The following DOK6 variants were observed in gnomAD, a reference collection of about 807,000 sequenced individuals.
DOK6 encodes the protein downstream of tyrosine kinase 6.
A neutral mutation model predicts 44.0 loss-of-function variants in DOK6; 22 were observed. That is an observed-to-expected ratio of 0.50 (90% confidence interval 0.36 to 0.71). The LOEUF is 0.71. Among genes scored for constraint, DOK6 ranks in the 30% least tolerant of loss-of-function variants. The pLI is 0.00. For synonymous variants in DOK6, 166 were observed against 145.5 expected, an observed-to-expected ratio of 1.14 and a Z score of -1.01; for missense variants, 340 against 416.4, an observed-to-expected ratio of 0.82 and a Z score of 1.60.
intron 3 of DOK6, among the ~76,000 whole-genome samples, chr18:69,602,046 A>C (rs888867266): frequency 1.8e-4 from 27 of 152,228 alleles, no homozygotes; most frequent in African/African-American, 6.3e-4. Flanking sequence ...AAAATATCCC[A>C]TGCAGAAAAT....
intron 6 of DOK6, among the ~76,000 whole-genome samples, chr18:69,741,367 C>A (rs10782035): frequency 0.52 from 79,044 of 152,104 alleles, 23,700 homozygotes; most frequent in East Asian, 0.69. Flanking sequence ...CTGAACTAAT[C>A]CTTTCCAAGT....
chr18:69,655,472 G>T (rs1307666906), intron 3 of DOK6, among the ~76,000 whole-genome samples: 3 of 152,066 alleles, frequency 2.0e-5, no homozygotes, highest in Non-Finnish European at 4.4e-5. Flanking sequence ...CAGCACAAAG[G>T]TTGGGCGCGG....
chr18:69,644,874 C>T (rs960121981), intron 3 of DOK6, among the ~76,000 whole-genome samples: 2 of 152,166 alleles, frequency 1.3e-5, no homozygotes, highest in African/African-American at 4.8e-5. Context: ...AATCTCAGAT[C>T]CTTCCCAATT....
chr18:69,508,430 T>C (rs1294591504), intron 1 of DOK6, among the ~76,000 whole-genome samples: 1 of 152,252 alleles, frequency 6.6e-6, no homozygotes, highest in Non-Finnish European at 1.5e-5. Context: ...ATAGAATTTA[T>C]ATCATTCCTT....
chr18:69,482,844 A>G (rs188363188), intron 1 of DOK6, among the ~76,000 whole-genome samples: 2 of 152,010 alleles, frequency 1.3e-5, no homozygotes, highest in East Asian at 1.9e-4. Flanking sequence ...CTCTGCAGTA[A>G]TTTACTAAAT....
intron 1 of DOK6, among the ~76,000 whole-genome samples, chr18:69,458,164 A>C (rs562962000): frequency 6.6e-6 from 1 of 152,302 alleles, no homozygotes; most frequent in Admixed American, 6.5e-5. Context: ...GTGTTACAAA[A>C]ACAAAAACAA....
At chr18:69,424,825 A>G (rs1377224485) in intron 1 of DOK6, among the ~76,000 whole-genome samples, 1 of 152,100 alleles carries the variant, frequency 6.6e-6, no homozygotes, top group Non-Finnish European at 1.5e-5. Context: ...TTCTCCATTT[A>G]TTAAAATTCT....
intron 1 of DOK6, among the ~76,000 whole-genome samples, chr18:69,552,360 G>A (rs1982586351): frequency 2.0e-5 from 3 of 151,732 alleles, no homozygotes; most frequent in South Asian, 4.2e-4. Context: ...AATATAGCAA[G>A]CATTATACTA....
At chr18:69,779,362 C>T (rs547352679) in intron 7 of DOK6, among the ~76,000 whole-genome samples, 235 of 152,104 alleles carry the variant, frequency 1.5e-3, no homozygotes, top group Middle Eastern at 3.4e-3. Context: ...TCCCTGCACG[C>T]TCACTAGATA....
At chr18:69,713,911 A>G (rs1256886890) in intron 5 of DOK6, among the ~76,000 whole-genome samples, 1 of 152,214 alleles carries the variant, frequency 6.6e-6, no homozygotes, top group African/African-American at 2.4e-5. Context: ...TAAGCTCATC[A>G]GTACTCCCAG....
At chr18:69,581,926 A>G (rs934296366) in intron 2 of DOK6, among the ~76,000 whole-genome samples, 1 of 152,212 alleles carries the variant, frequency 6.6e-6, no homozygotes, top group Non-Finnish European at 1.5e-5. Context: ...CCTGTGAGAA[A>G]TGCTAAGAAA....
intron 7 of DOK6, among the ~76,000 whole-genome samples, chr18:69,760,365 T>A (rs1020474679): frequency 6.6e-6 from 1 of 152,192 alleles, no homozygotes; most frequent in Admixed American, 6.6e-5. Context: ...GTGCGGTGGC[T>A]CATCCCTGTA....
intron 3 of DOK6, among the ~76,000 whole-genome samples, chr18:69,607,920 A>G (rs1402965899): frequency 1.3e-5 from 2 of 152,224 alleles, no homozygotes; most frequent in Non-Finnish European, 2.9e-5. Flanking sequence ...AAAAACTATA[A>G]TGTGAAAAAA....
At chr18:69,527,016 C>T (rs1981849210) in intron 1 of DOK6, among the ~76,000 whole-genome samples, 1 of 152,172 alleles carries the variant, frequency 6.6e-6, no homozygotes, top group Non-Finnish European at 1.5e-5. Flanking sequence ...GGGAAATCCA[C>T]CTCCCACCAT....
chr18:69,594,929 A>G (rs971742409), intron 2 of DOK6, among the ~76,000 whole-genome samples: 2 of 152,220 alleles, frequency 1.3e-5, no homozygotes, highest in Admixed American at 6.5e-5. Context: ...TACAAAATCA[A>G]CATACAAAAA....
chr18:69,556,710 G>A (rs1982695828), intron 1 of DOK6, among the ~76,000 whole-genome samples: 1 of 152,166 alleles, frequency 6.6e-6, no homozygotes, highest in African/African-American at 2.4e-5. Context: ...AGGAATTGTA[G>A]CATTATATTT....
chr18:69,672,076 G>T (rs973799487), intron 3 of DOK6, among the ~76,000 whole-genome samples: 15 of 152,142 alleles, frequency 9.9e-5, no homozygotes, highest in Admixed American at 8.5e-4. Flanking sequence ...ATCTAAACAT[G>T]GGTCTGAAGA....
At chr18:69,621,285 T>C (rs1234228037) in intron 3 of DOK6, among the ~76,000 whole-genome samples, 1 of 152,186 alleles carries the variant, frequency 6.6e-6, no homozygotes, top group African/African-American at 2.4e-5. Context: ...AGGGTAATTA[T>C]AGAATGTACT....
At position 69,842,574 on chromosome 18, in the gene DOK6, T is replaced by G. The variant is rs1466009875; in HGVS notation, c.*1191T>G. 3 of 152,212 alleles carry G rather than the reference T, an allele frequency of 2.0e-5. No homozygotes were observed. The highest frequency in any genetic ancestry group is 4.4e-5 in the Non-Finnish European group (3 of 68,034). The allele number at this position is 152,212 out of a possible 1,614,324, so 9.4% of individuals were successfully genotyped here. On this transcript the variant is annotated 3_prime_UTR_variant, in exon 8 of 8. Coordinates refer to ENST00000382713, the MANE Select transcript of DOK6 (RefSeq NM_152721.6). ...TTGTAATTTACTGTGTAACCAGAAC[T>G]TGCAGGGCTTTATTTTTTCTTTTAC...
Sources: allele counts gnomAD v4.1 joint callset (sites outside exome capture counted in the v4.1 genomes callset), GRCh38; gene constraint gnomAD v4.1.1; transcripts MANE v1.5; gene names NCBI Gene and HGNC (gene_info 2026-07-23, HGNC 2026-07-21).